Variants in WDR59 observed in about 807,000 individuals in gnomAD.
The protein encoded by WDR59 is WD repeat domain 59, also known as GATOR2 complex protein WDR59.
Under a neutral mutation model 131.2 loss-of-function variants are expected in WDR59, and 100 were observed. The ratio of observed to expected loss-of-function variants is 0.76; its 90% confidence interval spans 0.65 to 0.90. The LOEUF (loss-of-function observed/expected upper bound fraction) is 0.90. Ranked by LOEUF, WDR59 falls within the 40% of genes least tolerant of loss-of-function variation. WDR59 has a pLI of 0.00. For synonymous variants in WDR59, 601 were observed against 466.2 expected (o/e 1.29, Z -3.72); for missense variants, 1,203 against 1,262.2 (o/e 0.95, Z 0.71).
At chr16:74,941,212 G>A (rs2032192822) in intron 7 of WDR59, among the ~76,000 whole-genome samples, 1 of 151,498 alleles carries the variant, frequency 6.6e-6, no homozygotes, top group Non-Finnish European at 1.5e-5. Context: ...GTGGTGGCAT[G>A]TACCTGTAGT....
chr16:74,909,051 C>T (rs1965957119), intron 16 of WDR59, 74 bp from the exon 17 acceptor site: 1 of 1,306,060 alleles, frequency 7.7e-7, no homozygotes, highest in Admixed American at 1.7e-5. Context: ...CAGGACTGGC[C>T]AGTCTTTCTT....
rs377068685 is a variant in WDR59 at position 74,982,575 on chromosome 16, T to C, written c.54+2389A>G. On this transcript the variant is annotated intron_variant, in intron 1 of 25. Coordinates refer to ENST00000262144, the MANE Select transcript of WDR59 (RefSeq NM_030581.4). Reference sequence around the variant, plus strand: ...CTGTGAAAATTAAAGGGTTTGCAGATTAGTAGCTTCCAAATTAGCAGGCTT... The same window carrying C: ...CTGTGAAAATTAAAGGGTTTGCAGACTAGTAGCTTCCAAATTAGCAGGCTT... Among the ~76,000 whole-genome samples, 116 of 152,308 alleles carry C rather than the reference T, an allele frequency of 7.6e-4. 1 individual carries two copies. In the South Asian group the frequency reaches 0.021, roughly 27 times the overall value.
At chr16:74,932,143 G>C (rs984751496) in intron 8 of WDR59, among the ~76,000 whole-genome samples, 2 of 150,654 alleles carry the variant, frequency 1.3e-5, no homozygotes, top group Admixed American at 1.3e-4. Flanking sequence ...ACCTAAACTG[G>C]AGTGCAGTGG....
intron 8 of WDR59, among the ~76,000 whole-genome samples, chr16:74,937,361 C>T (rs188777601): frequency 7.7e-4 from 118 of 152,294 alleles, no homozygotes; most frequent in African/African-American, 2.6e-3. Context: ...TTTCTACATA[C>T]GATAAGCATG....
chr16:74,978,382 T>TTCAG (rs1482105958), intron 1 of WDR59, among the ~76,000 whole-genome samples: 23 of 150,864 alleles, frequency 1.5e-4, no homozygotes, highest in African/African-American at 4.9e-4. Flanking sequence ...GACTCAGTTA[T>TTCAG]TCAGGAGGCT....
intron 2 of WDR59, chr16:74,962,961 A>C (rs370537751): frequency 6.6e-6 from 1 of 152,128 alleles, no homozygotes; most frequent in Non-Finnish European, 1.5e-5. Context: ...AAATTACTCT[A>C]TTATAAAGAT....
chr16:74,917,280 A>G (rs567352391), intron 11 of WDR59, among the ~76,000 whole-genome samples: 61 of 152,334 alleles, frequency 4.0e-4, no homozygotes, highest in African/African-American at 1.3e-3. Context: ...AGAAGCCTCC[A>G]AGCATTTGCA....
Position 74,889,737 on chromosome 16 carries a change from G to A in WDR59, c.2161C>T (p.Arg721Ter), listed in dbSNP as rs1218293407. The A allele has an allele frequency of 2.5e-6, 4 of 1,613,958 alleles. No individual in the cohort carries two copies. The highest frequency in any genetic ancestry group is 1.7e-4 in the Middle Eastern group (1 of 6,060). The change falls in exon 21 of 26, where the codon CGA becomes TGA. Residue 721 changes from arginine (R) to a stop codon, truncating the protein, a stop_gained. Transcript: ENST00000262144. LOFTEE classifies it high-confidence loss of function. ...AGCAGCTGCCGCCCAAATGGATGTC[G>A]AGCCCAGGGTGTTTCCAAATCTGGG... ...SDPDLETPWA[R>*]HPFGRQLLES... is the part of the protein sequence containing the mutation.
At chr16:74,982,868 G>C (rs1228922268) in intron 1 of WDR59, among the ~76,000 whole-genome samples, 1 of 152,178 alleles carries the variant, frequency 6.6e-6, no homozygotes, top group Non-Finnish European at 1.5e-5. Flanking sequence ...CAAAAGACAG[G>C]ATGGGGTTTT....
chr16:74,886,184 A>AAAAAAAAAAAAAAAAAAAAAAAAC, intron 24 of WDR59, 86 bp downstream of exon 24: 1 of 1,450,080 alleles, frequency 6.9e-7, no homozygotes, highest in Non-Finnish European at 9.3e-7. Flanking sequence ...GTCCAAAAAA[A>AAAAAAAAAAAAAAAAAAAAAAAAC]AAAAAAGTAA....
At chr16:74,880,372 G>C (rs1364093272) in intron 25 of WDR59, among the ~76,000 whole-genome samples, 1 of 152,114 alleles carries the variant, frequency 6.6e-6, no homozygotes, top group East Asian at 1.9e-4. Flanking sequence ...GCGTGAACCT[G>C]GGAGGCGGAG....
At chr16:74,926,204 C>G (rs1329365850) in intron 8 of WDR59, among the ~76,000 whole-genome samples, 1 of 151,844 alleles carries the variant, frequency 6.6e-6, no homozygotes, top group Non-Finnish European at 1.5e-5. Context: ...GGATTACAGG[C>G]ACGCACCACC....
intron 18 of WDR59, among the ~76,000 whole-genome samples, chr16:74,903,744 C>T (rs1436303126): frequency 2.0e-5 from 3 of 152,100 alleles, no homozygotes; most frequent in South Asian, 2.1e-4. Context: ...ACCATAAGAA[C>T]GGCCCCCTGA....
chr16:74,935,344 A>G (rs570574017), intron 8 of WDR59, among the ~76,000 whole-genome samples: 1 of 152,300 alleles, frequency 6.6e-6, no homozygotes, highest in South Asian at 2.1e-4. Context: ...GGAAAAAAAA[A>G]GATTATGTAA....
In WDR59 at chr16:74,921,962, T is replaced by G; in HGVS notation, c.871A>C (p.Arg291=). 1 of 1,614,020 alleles carries G rather than the reference T, an allele frequency of 6.2e-7. No homozygotes were observed. ...TCCCACTCACCTTCCTTCTGCTTCCTCCACTGGAACTCCAGGACCACATCA... is the reference window on the plus strand; with the variant it reads ...TCCCACTCACCTTCCTTCTGCTTCCGCCACTGGAACTCCAGGACCACATCA... ...HDDVVLEFQW[R]KQKEGSKDYQ... The change falls in exon 10 of 26, where the codon AGG becomes CGG. Residue 291 remains arginine (R), a synonymous_variant. Transcript: ENST00000262144.
chr16:74,889,899 T>C lies in WDR59; in HGVS notation c.2083-84A>G. The C allele has an allele frequency of 3.1e-6, 3 of 971,168 alleles. No homozygotes were observed. In the South Asian group the frequency reaches 4.8e-5, roughly 15 times the overall value. The allele number at this position is 971,168 out of a possible 1,614,324, so 60.2% of individuals were successfully genotyped here. A position where few individuals can be genotyped will look rare whatever the true frequency, so the allele number is the denominator to read the frequency against. On this transcript the variant is annotated intron_variant, in intron 20 of 25. Transcript: ENST00000262144. ...GAAGCAATCCCACCTGTCTTCCATA[T>C]AAAACCTGATGCCTTGCTACATTGG...
intron 10 of WDR59, 55 bp from the exon 11 acceptor site, chr16:74,918,063 G>A: frequency 1.3e-6 from 2 of 1,543,056 alleles, no homozygotes; most frequent in South Asian, 1.1e-5. Flanking sequence ...ACGTCTATTT[G>A]CTAGAGGTTG....
intron 8 of WDR59, among the ~76,000 whole-genome samples, chr16:74,928,549 C>A (rs1385433187): frequency 6.6e-6 from 1 of 151,854 alleles, no homozygotes; most frequent in East Asian, 1.9e-4. Flanking sequence ...GCCAGATTTA[C>A]CTTACGTGGG....
At position 74,915,948 on chromosome 16, in the gene WDR59, T is replaced by G. The variant is rs750950817; in HGVS notation, c.1146A>C (p.Ser382=). The change falls in exon 13 of 26, where the codon TCA becomes TCC. Residue 382 remains serine (S), a synonymous_variant. Coordinates refer to ENST00000262144, the MANE Select transcript of WDR59 (RefSeq NM_030581.4). The stretch of plus-strand genomic sequence containing the variant: ...AGGTCTGAGGCAGCCCCAGTTGATC[T>G]GATTTCCTCTCTTCCAGGAGATTTC... ...PPRNLLEERK[S]DQLGLPQTLQ... is the part of the protein sequence containing the mutation. The G allele has an allele frequency of 4.3e-6, 7 of 1,614,096 alleles. No individual in the cohort carries two copies. The highest frequency in any genetic ancestry group is 5.9e-6 in the Non-Finnish European group (7 of 1,180,040).
Sources: allele counts gnomAD v4.1 joint callset (sites outside exome capture counted in the v4.1 genomes callset), GRCh38; gene constraint gnomAD v4.1.1; transcripts MANE v1.5; gene names NCBI Gene and HGNC (gene_info 2026-07-23, HGNC 2026-07-21).